The following EI24 variants were observed in gnomAD, a reference collection of about 807,000 sequenced individuals.
EI24 encodes the protein EI24 autophagy associated transmembrane protein.
In EI24, 21 loss-of-function variants were observed where a neutral mutation model predicts 48.6. That is an observed-to-expected ratio of 0.43 (90% CI 0.31 to 0.62). The LOEUF is 0.62. Ranked by LOEUF, EI24 falls within the 20% of genes least tolerant of loss-of-function variation. The probability of loss-of-function intolerance (pLI) is 0.10; values close to 1 mark genes in which losing one functional copy is unlikely to be tolerated. For missense variants in EI24, 280 were observed against 410.5 expected (o/e 0.68, Z 2.75); for synonymous variants, 114 against 145.5 (o/e 0.78, Z 1.56).
At chr11:125,582,127 G>T (rs1318634625) in intron 9 of EI24, among the ~76,000 whole-genome samples, 1 of 152,000 alleles carries the variant, frequency 6.6e-6, no homozygotes, top group Non-Finnish European at 1.5e-5. Flanking sequence ...GAACACAGGA[G>T]GCGGAGGTTG....
chr11:125,577,620 T>C, intron 5 of EI24, 50 bp downstream of exon 5: 1 of 1,442,760 alleles, frequency 6.9e-7, no homozygotes, highest in Admixed American at 1.9e-5. Flanking sequence ...TGGGAGATGA[T>C]GTTTCAGTCT....
rs1939130713 is a variant in EI24, at chr11:125,584,204, G to C, written c.*521G>C. The stretch of plus-strand genomic sequence containing the variant: ...GTCTTGTTTCTTGTAACTCAGGTTA[G>C]GTTTTGGTCTCTCTTGCTCCACTGC... On this transcript the variant is annotated 3_prime_UTR_variant, in exon 11 of 11. Coordinates refer to ENST00000278903, the MANE Select transcript of EI24 (RefSeq NM_004879.5). 8.6e-6 allele frequency: 1 copy of C among 115,750 alleles called. No homozygotes were observed. The highest frequency in any genetic ancestry group is 3.4e-5 in the African/African-American group (1 of 29,324). The allele number at this position is 115,750 out of a possible 1,614,324, so 7.2% of individuals were successfully genotyped here.
In EI24 at chr11:125,580,129, G is replaced by A. The variant is rs373773329; in HGVS notation, c.598G>A (p.Gly200Ser). 5.0e-6 allele frequency: 8 copies of A among 1,613,652 alleles called. No individual in the cohort carries two copies. The highest frequency in any genetic ancestry group is 1.7e-5 in the Admixed American group (1 of 59,994). Residue 200 changes from glycine (G) to serine (S), a missense_variant, in exon 8 of 11, where the codon GGT becomes AGT. Around this residue, in one of 3 missense-constraint regions of EI24, gnomAD observed 204 missense variants for 294.1 expected, o/e 0.69. Transcript: ENST00000278903. ...FVSLFPIHLV[G>S]QLVSLLHMSL... ...GAGTCTCTTTCCCATCCATCTTGTCGGTCAGCTGGTTAGTCTCCTGCATAT... is the reference window on the plus strand; with the variant it reads ...GAGTCTCTTTCCCATCCATCTTGTCAGTCAGCTGGTTAGTCTCCTGCATAT...
At chr11:125,581,510 T>C (rs1265825921) in intron 9 of EI24, among the ~76,000 whole-genome samples, 188 bp downstream of exon 9, 6 of 151,658 alleles carry the variant, frequency 4.0e-5, no homozygotes, top group Non-Finnish European at 7.4e-5. Context: ...ATATTCTTTT[T>C]CTATGTTGCC....
chr11:125,579,180 T>C (rs1369178683), intron 7 of EI24, 112 bp downstream of exon 7: 3 of 914,122 alleles, frequency 3.3e-6, no homozygotes, highest in South Asian at 6.3e-5. Context: ...ATTATATATA[T>C]GCTGGTGGGA....
chr11:125,576,228 A>C, intron 3 of EI24, 27 bp from the exon 4 acceptor site: 1 of 1,606,846 alleles, frequency 6.2e-7, no homozygotes, highest in Non-Finnish European at 8.5e-7. Context: ...TATGCTTTAT[A>C]AACTAAATAC....
intron 9 of EI24, among the ~76,000 whole-genome samples, 191 bp downstream of exon 9, chr11:125,581,513 A>G (rs1488109236): frequency 4.5e-5 from 3 of 66,590 alleles, no homozygotes; most frequent in African/African-American, 5.8e-5. Context: ...TTCTTTTTCT[A>G]TGTTGCCTCC....
rs1939134525 is a variant in EI24 at position 125,584,229 on chromosome 11, C to CAAGAAAA, written c.*548_*549insGAAAAAA. On this transcript the variant is annotated 3_prime_UTR_variant, in exon 11 of 11. Coordinates refer to ENST00000278903, the MANE Select transcript of EI24 (RefSeq NM_004879.5). Reference sequence around the variant, plus strand: ...GGTTTTGGTCTCTCTTGCTCCACTGCAAAAAAAAAAAAAAAAAAAAAAAAA... The same window carrying CAAGAAAA: ...GGTTTTGGTCTCTCTTGCTCCACTGCAAGAAAAAAAAAAAAAAAAAAAAAAAAAAAAA... The CAAGAAAA allele has an allele frequency of 2.0e-5, 1 of 49,658 alleles. No homozygotes were observed. The highest frequency in any genetic ancestry group is 3.2e-5 in the Non-Finnish European group (1 of 30,996). The allele number at this position is 49,658 out of a possible 1,614,324, so 3.1% of individuals were successfully genotyped here. A position where few individuals can be genotyped will look rare whatever the true frequency, so the allele number is the denominator to read the frequency against.
At chr11:125,573,384 C>A in intron 2 of EI24, 1 of 171,524 alleles carries the variant, frequency 5.8e-6, no homozygotes, top group Non-Finnish European at 1.3e-5. Context: ...TCTTATATTT[C>A]CACTAGCATG....
intron 7 of EI24, 72 bp downstream of exon 7, chr11:125,579,140 C>T (rs544179122): frequency 8.4e-6 from 12 of 1,428,732 alleles, no homozygotes; most frequent in Non-Finnish European, 1.0e-5. Context: ...GAGAACTTCA[C>T]AAAGACAGAG....
chr11:125,576,426 T>G, intron 4 of EI24, 111 bp downstream of exon 4: 4 of 961,504 alleles, frequency 4.2e-6, no homozygotes, highest in Non-Finnish European at 6.5e-6. Flanking sequence ...CATCTGCTGA[T>G]GTACACTTAG....
At chr11:125,580,043 G>A in intron 7 of EI24, 50 bp from the exon 8 acceptor site, 1 of 1,402,562 alleles carries the variant, frequency 7.1e-7, no homozygotes, top group Non-Finnish European at 1.0e-6. Flanking sequence ...GGTGAATGGT[G>A]CTAGGTTTCC....
At chr11:125,576,027 T>G in intron 3 of EI24, 1 of 520,094 alleles carries the variant, frequency 1.9e-6, no homozygotes, top group East Asian at 3.4e-5. Flanking sequence ...CTGACCTCAG[T>G]TGATCGCCTA....
intron 1 of EI24, chr11:125,569,983 C>G (rs1226503949): frequency 2.6e-5 from 4 of 154,628 alleles, no homozygotes; most frequent in Non-Finnish European, 5.7e-5. Context: ...CTGGAGTGGG[C>G]TACGACAGCT....
At chr11:125,577,811 T>C (rs1938810649) in intron 5 of EI24, 1 of 563,206 alleles carries the variant, frequency 1.8e-6, no homozygotes, top group Non-Finnish European at 3.1e-6. Flanking sequence ...GGTTAAACCA[T>C]TAGTAAGAGG....
intron 6 of EI24, among the ~76,000 whole-genome samples, chr11:125,578,480 C>CTTTTTTTTTTTTTTT (rs370986926): frequency 2.4e-5 from 2 of 84,690 alleles, no homozygotes; most frequent in African/African-American, 4.8e-5. Context: ...TTCGTTTTGG[C>CTTTTTTTTTTTTTTT]TTTTTTTTTT....
At chr11:125,579,158 T>TAA in intron 7 of EI24, 90 bp downstream of exon 7, 1 of 1,299,934 alleles carries the variant, frequency 7.7e-7, no homozygotes, top group Non-Finnish European at 1.0e-6. Flanking sequence ...GAGTATTATA[T>TAA]TTATACAGAG....
At chr11:125,574,616 T>C (rs1433395255) in intron 2 of EI24, 2 of 152,218 alleles carry the variant, frequency 1.3e-5, no homozygotes, top group African/African-American at 4.8e-5. Context: ...AGCTTGGCCA[T>C]TGCTTCCAGA....
chr11:125,572,647 T>C, intron 2 of EI24, 78 bp downstream of exon 2: 5 of 1,413,754 alleles, frequency 3.5e-6, no homozygotes, highest in Non-Finnish European at 4.9e-6. Flanking sequence ...GGAAATCCTT[T>C]AGGGTTTTTG....
Sources: allele counts gnomAD v4.1 joint callset (sites outside exome capture counted in the v4.1 genomes callset), GRCh38; gene constraint gnomAD v4.1.1; regional missense constraint gnomAD v4.1.1; transcripts MANE v1.5; gene names NCBI Gene and HGNC (gene_info 2026-07-23, HGNC 2026-07-21).